Variants in CCDC178 observed in about 807,000 individuals in gnomAD.
The protein encoded by CCDC178 is coiled-coil domain containing 178.
A neutral mutation model predicts 117.4 loss-of-function variants in CCDC178; 126 were observed. The observed-to-expected ratio is 1.07, with a 90% CI of 0.93 to 1.24. The LOEUF (loss-of-function observed/expected upper bound fraction) is 1.24. CCDC178 is among the 50% of genes most tolerant of loss of function. The pLI, the probability that CCDC178 is intolerant of heterozygous loss-of-function variation, is 0.00. For synonymous variants in CCDC178, 283 were observed against 313.4 expected (o/e 0.90, Z 1.02); for missense variants, 1,030 against 986.9 (o/e 1.04, Z -0.59).
In CCDC178 at chr18:33,212,038, A is replaced by G; in HGVS notation, c.2096T>C (p.Met699Thr). Residue 699 changes from methionine to threonine, a missense_variant, in exon 20 of 23, where the codon ATG becomes ACG. Met to Thr is a moderately conservative substitution (Grantham distance 81, BLOSUM62 -1). Coordinates refer to ENST00000383096, the MANE Select transcript of CCDC178 (RefSeq NM_001105528.4). ...TTGTGCATGTTCCCTTTTAAATCTC[A>G]TAGTTATAAATTTGTTCCTGTGAAG... The part of the protein sequence containing the change: ...LEILKNKFIT[M>T]RFKREHAQTV... 6.3e-7 allele frequency: 1 copy of G among 1,580,132 alleles called. No individual in the cohort carries two copies. Among genetic ancestry groups the G allele is most frequent in the Non-Finnish European group, 8.6e-7 (1 of 1,167,804 alleles).
At chr18:33,397,620 G>A (rs1462201166) in intron 3 of CCDC178, among the ~76,000 whole-genome samples, 1 of 152,000 alleles carries the variant, frequency 6.6e-6, no homozygotes, top group Non-Finnish European at 1.5e-5. Flanking sequence ...ACATAGCCCA[G>A]TTTATTGAAA....
At chr18:33,151,799 T>A (rs1321845407) in intron 20 of CCDC178, among the ~76,000 whole-genome samples, 1 of 152,120 alleles carries the variant, frequency 6.6e-6, no homozygotes, top group Non-Finnish European at 1.5e-5. Flanking sequence ...TAGGATTAAC[T>A]TAGTGAAGAG....
intron 20 of CCDC178, among the ~76,000 whole-genome samples, chr18:33,195,624 C>T (rs1163189786): frequency 6.6e-6 from 1 of 152,142 alleles, no homozygotes; most frequent in Non-Finnish European, 1.5e-5. Context: ...CTCAAGTCAT[C>T]CTCATATACC....
intron 20 of CCDC178, among the ~76,000 whole-genome samples, chr18:33,114,447 A>G (rs2057825189): frequency 6.6e-6 from 1 of 151,960 alleles, no homozygotes; most frequent in Non-Finnish European, 1.5e-5. Flanking sequence ...TGGGGATTGG[A>G]CTTTGTGAAT....
At chr18:33,087,782 G>A (rs2057403502) in intron 21 of CCDC178, among the ~76,000 whole-genome samples, 2 of 152,098 alleles carry the variant, frequency 1.3e-5, no homozygotes, top group South Asian at 4.1e-4. Flanking sequence ...TGGTGTGCAG[G>A]ACAACAAGCA....
chr18:32,972,660 C>A (rs1184628642), intron 22 of CCDC178, among the ~76,000 whole-genome samples: 1 of 151,922 alleles, frequency 6.6e-6, no homozygotes, highest in Non-Finnish European at 1.5e-5. Flanking sequence ...GAATGAGTTT[C>A]ACAGCAAGTT....
chr18:33,112,644 T>C (rs533212136), intron 20 of CCDC178, among the ~76,000 whole-genome samples: 2 of 152,030 alleles, frequency 1.3e-5, no homozygotes, highest in African/African-American at 2.4e-5. Context: ...ACACCAGTTA[T>C]CTACTGCAAG....
intron 21 of CCDC178, among the ~76,000 whole-genome samples, chr18:33,042,266 C>T (rs1443283844): frequency 6.6e-6 from 1 of 151,754 alleles, no homozygotes; most frequent in Non-Finnish European, 1.5e-5. Context: ...AATTACAAGC[C>T]CTTAATGAGA....
intron 21 of CCDC178, among the ~76,000 whole-genome samples, chr18:32,995,441 C>T (rs2055482456): frequency 6.6e-6 from 1 of 151,768 alleles, no homozygotes; most frequent in Non-Finnish European, 1.5e-5. Context: ...AAAATCACAA[C>T]ATGAAATAGT....
chr18:33,247,618 G>A (rs945758549), intron 14 of CCDC178, among the ~76,000 whole-genome samples: 1 of 151,808 alleles, frequency 6.6e-6, no homozygotes, highest in South Asian at 2.1e-4. Context: ...GCACGTTTGT[G>A]TCTATACATA....
At chr18:33,232,552 G>T (rs2059379725) in intron 15 of CCDC178, among the ~76,000 whole-genome samples, 1 of 152,176 alleles carries the variant, frequency 6.6e-6, no homozygotes, top group Non-Finnish European at 1.5e-5. Flanking sequence ...GTGGGACCAG[G>T]TATCTCTGGC....
chr18:33,120,862 G>A lies in CCDC178; in HGVS notation c.2239-27952C>T, dbSNP rs780446535. Among the ~76,000 whole-genome samples the A allele has an allele frequency of 2.6e-5, 4 of 152,200 alleles. No individual in the cohort carries two copies. In the South Asian group the frequency reaches 8.3e-4, roughly 32 times the overall value. On this transcript the variant is annotated intron_variant, in intron 20 of 22. Transcript: ENST00000383096. ...TTACAGGATATTAAACAAGAAGAATGAATACTATTCAAGGATTTTTATACT... is the reference window on the plus strand; with the variant it reads ...TTACAGGATATTAAACAAGAAGAATAAATACTATTCAAGGATTTTTATACT...
chr18:33,137,963 T>C (rs1003144194), intron 20 of CCDC178, among the ~76,000 whole-genome samples: 5 of 152,220 alleles, frequency 3.3e-5, no homozygotes, highest in African/African-American at 7.2e-5. Flanking sequence ...ATTTAGGATA[T>C]ATTCTTTAGC....
chr18:33,350,525 C>G (rs1357621382), intron 7 of CCDC178, among the ~76,000 whole-genome samples: 1 of 152,164 alleles, frequency 6.6e-6, no homozygotes, highest in East Asian at 1.9e-4. Flanking sequence ...GAAATGTAAT[C>G]ATATAAGTGA....
At chr18:33,034,703 T>A (rs1057261544) in intron 21 of CCDC178, among the ~76,000 whole-genome samples, 1 of 152,056 alleles carries the variant, frequency 6.6e-6, no homozygotes. Flanking sequence ...AGTATTTTAA[T>A]TGTTGCAGTA....
At chr18:33,419,097 G>A (rs1486204868) in intron 2 of CCDC178, among the ~76,000 whole-genome samples, 1 of 152,086 alleles carries the variant, frequency 6.6e-6, no homozygotes, top group Non-Finnish European at 1.5e-5. Context: ...CAGAGACATA[G>A]ACCAATGAAA....
chr18:33,295,158 G>T lies in CCDC178; in HGVS notation c.1023-1846C>A, dbSNP rs958687241. Among the ~76,000 whole-genome samples, 6 of 152,128 alleles carry T rather than the reference G, an allele frequency of 3.9e-5. No homozygotes were observed. In the East Asian group the frequency reaches 1.2e-3, roughly 29 times the overall value. ...TGGTCATAGACGACCCAGAAATAGA[G>T]CTACACAAGCATGTCTGATTCTTGA... On this transcript the variant is annotated intron_variant, in intron 11 of 22. Transcript: ENST00000383096.
At chr18:33,271,898 T>C (rs142329027) in intron 12 of CCDC178, among the ~76,000 whole-genome samples, 3 of 151,656 alleles carry the variant, frequency 2.0e-5, no homozygotes, top group African/African-American at 4.8e-5. Flanking sequence ...TTGAAACTTA[T>C]TGGATGAAGT....
intron 21 of CCDC178, among the ~76,000 whole-genome samples, chr18:33,000,852 A>G (rs1019794880): frequency 2.0e-5 from 3 of 152,236 alleles, no homozygotes; most frequent in Non-Finnish European, 4.4e-5. Context: ...AAAGGCATTA[A>G]TAAGCAATAA....
Sources: gnomAD v4.1 joint callset for allele counts (sites outside exome capture counted in the v4.1 genomes callset) on GRCh38, gnomAD v4.1.1 for gene constraint, MANE v1.5 for transcripts, NCBI Gene and HGNC (gene_info 2026-07-23, HGNC 2026-07-21) for gene names.